Variants in CSMD1 observed in about 807,000 individuals in gnomAD.
The protein encoded by CSMD1 is CUB and Sushi multiple domains 1, also known as CUB and sushi domain-containing protein 1.
A neutral mutation model predicts 417.5 loss-of-function variants in CSMD1; 213 were observed. The ratio of observed to expected loss-of-function variants is 0.51; its 90% CI spans 0.46 to 0.57. The LOEUF (loss-of-function observed/expected upper bound fraction) is 0.57, where lower values mean the gene tolerates loss of function less well. Ranked by LOEUF, CSMD1 falls within the 20% of genes least tolerant of loss-of-function variation. The pLI is 0.00. For missense variants in CSMD1, 6,923 were observed against 4,529.7 expected, an observed-to-expected ratio of 1.53 and a Z score of -15.17; for synonymous variants, 2,862 against 1,736.8, an observed-to-expected ratio of 1.65 and a Z score of -16.11.
chr8:4,237,273 G>T (rs957545658), intron 3 of CSMD1, among the ~76,000 whole-genome samples: 1 of 152,062 alleles, frequency 6.6e-6, no homozygotes, highest in African/African-American at 2.4e-5. Context: ...TCAGAGTGAG[G>T]GTGTTTATAT....
At chr8:3,264,805 C>G (rs1801314627) in intron 26 of CSMD1, among the ~76,000 whole-genome samples, 1 of 152,140 alleles carries the variant, frequency 6.6e-6, no homozygotes, top group Admixed American at 6.6e-5. Context: ...AACAGTGCCT[C>G]TGTTTTGCCT....
At chr8:3,580,136 A>C (rs567335548) in intron 9 of CSMD1, among the ~76,000 whole-genome samples, 9 of 152,278 alleles carry the variant, frequency 5.9e-5, no homozygotes, top group Non-Finnish European at 8.8e-5. Flanking sequence ...AAAGAAAAAA[A>C]GTATACATGC....
chr8:3,984,682 G>A (rs1814169427), intron 5 of CSMD1, among the ~76,000 whole-genome samples: 1 of 134,994 alleles, frequency 7.4e-6, no homozygotes, highest in African/African-American at 2.8e-5. Flanking sequence ...TGATTTATGG[G>A]TTCAGGATTC....
At chr8:4,228,696 T>C (rs10107660) in intron 3 of CSMD1, among the ~76,000 whole-genome samples, 66,066 of 151,458 alleles carry the variant, frequency 0.44, 15,290 homozygotes, top group South Asian at 0.64. Flanking sequence ...TTATTTCTTT[T>C]TTCTTGAGAT....
At position 3,349,539 on chromosome 8, in the gene CSMD1, G is replaced by A. The variant is rs183603044; in HGVS notation, c.3305-1378C>T. Among the ~76,000 whole-genome samples, 40 of 151,946 alleles carry A rather than the reference G, an allele frequency of 2.6e-4. No individual in the cohort carries two copies. The South Asian group carries it at 7.1e-3, about 27-fold the overall frequency. ...AAGCAGGCTTTGGATGTGGCTCTCG[G>A]GGTGCAAGTGTTGAGGCGGAAGTGC... On this transcript the variant is annotated intron_variant, in intron 21 of 69. Coordinates refer to ENST00000635120, the MANE Select transcript of CSMD1 (RefSeq NM_033225.6).
At chr8:4,136,603 A>G (rs757388102) in intron 3 of CSMD1, among the ~76,000 whole-genome samples, 1 of 152,230 alleles carries the variant, frequency 6.6e-6, no homozygotes, top group Non-Finnish European at 1.5e-5. Flanking sequence ...TCCAGCCAGC[A>G]AGAGAGGTTG....
intron 2 of CSMD1, among the ~76,000 whole-genome samples, chr8:4,421,458 A>G (rs1233727366): frequency 6.6e-6 from 1 of 152,152 alleles, no homozygotes; most frequent in African/African-American, 2.4e-5. Flanking sequence ...CAAACTATAT[A>G]AAATAACTGA....
intron 25 of CSMD1, among the ~76,000 whole-genome samples, chr8:3,287,686 C>G (rs918670262): frequency 3.3e-5 from 5 of 152,156 alleles, no homozygotes; most frequent in African/African-American, 1.2e-4. Context: ...TGCCCATCAG[C>G]TTAAGGAGAT....
intron 1 of CSMD1, among the ~76,000 whole-genome samples, chr8:4,732,090 G>T (rs768517368): frequency 3.9e-5 from 6 of 152,012 alleles, no homozygotes; most frequent in Non-Finnish European, 8.8e-5. Flanking sequence ...CAACAGTCCC[G>T]CATCCTTATC....
At chr8:2,986,917 C>T (rs1332252834) in intron 54 of CSMD1, among the ~76,000 whole-genome samples, 2 of 151,926 alleles carry the variant, frequency 1.3e-5, no homozygotes, top group Non-Finnish European at 2.9e-5. Context: ...ATAGCAAAAA[C>T]CGCAATTACT....
intron 5 of CSMD1, among the ~76,000 whole-genome samples, chr8:3,885,146 A>G (rs536127251): frequency 1.3e-5 from 2 of 152,054 alleles, no homozygotes; most frequent in Admixed American, 6.6e-5. Flanking sequence ...ACAAGATCCC[A>G]TCTCGTGACT....
intron 36 of CSMD1, among the ~76,000 whole-genome samples, chr8:3,187,622 G>A (rs112804776): frequency 0.01 from 1,552 of 152,154 alleles, 12 homozygotes; most frequent in Middle Eastern, 0.044. Flanking sequence ...GAGACCTGCC[G>A]CATGTCAAAG....
intron 3 of CSMD1, among the ~76,000 whole-genome samples, chr8:4,419,274 C>G (rs78990310): frequency 7.9e-5 from 12 of 152,092 alleles, no homozygotes; most frequent in Non-Finnish European, 7.4e-5. Flanking sequence ...CCATCCAAAA[C>G]AAAAGTAGAC....
intron 2 of CSMD1, among the ~76,000 whole-genome samples, chr8:4,533,587 C>G (rs548180432): frequency 6.6e-6 from 1 of 151,662 alleles, no homozygotes; most frequent in Non-Finnish European, 1.5e-5. Context: ...TTAACCAATC[C>G]GAGAAGAGGA....
In CSMD1 at chr8:3,868,503, CACTT is replaced by C. The variant is rs1432663723; in HGVS notation, c.819-114465_819-114462del. Reference sequence around the variant, plus strand: ...TCTCTCATTCAACAGACACAAAGAACACTTACCAACACCACCAATTCCCAAATGC... The same window carrying C: ...TCTCTCATTCAACAGACACAAAGAACACCAACACCACCAATTCCCAAATGC... On this transcript the variant is annotated intron_variant, in intron 5 of 69. Transcript: ENST00000635120. Among the ~76,000 whole-genome samples the C allele has an allele frequency of 1.3e-5, 2 of 152,082 alleles. 1 individual carries two copies. The highest frequency in any genetic ancestry group is 2.9e-5 in the Non-Finnish European group (2 of 68,022).
intron 36 of CSMD1, among the ~76,000 whole-genome samples, chr8:3,186,963 A>G (rs1033190574): frequency 2.0e-5 from 3 of 152,238 alleles, no homozygotes; most frequent in African/African-American, 7.2e-5. Context: ...GCTGGTCTCG[A>G]ACTACTGACC....
chr8:4,930,455 G>T (rs1402644414), intron 1 of CSMD1, among the ~76,000 whole-genome samples: 1 of 149,224 alleles, frequency 6.7e-6, no homozygotes, highest in Admixed American at 6.6e-5. Context: ...TTGACATACT[G>T]TTAGCTTATT....
chr8:3,334,699 C>T (rs533561563), intron 23 of CSMD1, among the ~76,000 whole-genome samples: 8 of 152,342 alleles, frequency 5.3e-5, no homozygotes, highest in South Asian at 4.1e-4. Context: ...GCAGTGCAAA[C>T]GGCTGCAAAT....
intron 1 of CSMD1, among the ~76,000 whole-genome samples, chr8:4,942,684 T>A (rs1461035102): frequency 2.0e-5 from 3 of 152,178 alleles, no homozygotes; most frequent in African/African-American, 7.2e-5. Flanking sequence ...CATATCACAC[T>A]GTGATAGGCA....
Sources: gnomAD v4.1 joint callset for allele counts (sites outside exome capture counted in the v4.1 genomes callset) on GRCh38, gnomAD v4.1.1 for gene constraint, MANE v1.5 for transcripts, NCBI Gene and HGNC (gene_info 2026-07-23, HGNC 2026-07-21) for gene names.